SLC35G2: variants seen among roughly 807,000 people sequenced by gnomAD.
SLC35G2 encodes transmembrane protein 22.
Under a neutral mutation model 27.2 loss-of-function variants are expected in SLC35G2, and 20 were observed. The observed-to-expected ratio is 0.74, with a 90% CI of 0.52 to 1.07. The LOEUF is 1.07. Among genes scored for constraint, SLC35G2 ranks in the 50% least tolerant of loss-of-function variants. The pLI, the probability that SLC35G2 is intolerant of heterozygous loss-of-function variation, is 0.00. For missense variants in SLC35G2, 416 were observed against 493.3 expected, an observed-to-expected ratio of 0.84 and a Z score of 1.48; for synonymous variants, 148 against 165.3, an observed-to-expected ratio of 0.90 and a Z score of 0.80.
In SLC35G2 at chr3:136,840,375, C is replaced by T. The variant is rs1189554141; in HGVS notation, c.-18-14068C>T. Among the ~76,000 whole-genome samples, 8 of 152,188 alleles carry T rather than the reference C, an allele frequency of 5.3e-5. No individual in the cohort carries two copies. The East Asian group carries it at 1.4e-3, about 26-fold the overall frequency. ...TCCGTTAGTACTGCAGGGAGTCATC[C>T]TCAAAGAGCATTATCACCACTGACC... On this transcript the variant is annotated intron_variant, in intron 1 of 1. Transcript: ENST00000446465.
At chr3:136,832,926 A>C (rs947098856) in intron 1 of SLC35G2, among the ~76,000 whole-genome samples, 6 of 152,152 alleles carry the variant, frequency 3.9e-5, no homozygotes, top group South Asian at 2.1e-4. Flanking sequence ...AAAATTAGCC[A>C]GGCATGGTGG....
chr3:136,841,537 TG>T (rs2108014437), intron 1 of SLC35G2, among the ~76,000 whole-genome samples: 1 of 152,220 alleles, frequency 6.6e-6, no homozygotes, highest in African/African-American at 2.4e-5. Context: ...GAGACCAGCC[TG>T]ACTAACATGG....
intron 1 of SLC35G2, among the ~76,000 whole-genome samples, chr3:136,853,700 C>T (rs565231490): frequency 9.2e-5 from 14 of 152,190 alleles, no homozygotes; most frequent in Non-Finnish European, 7.4e-5. Context: ...AATATAAATA[C>T]GTATTCTTAT....
chr3:136,854,452 T>C lies in SLC35G2; in HGVS notation c.-9T>C, dbSNP rs1321206946. 1 of 1,554,382 alleles carries C rather than the reference T, an allele frequency of 6.4e-7. No homozygotes were observed. Among genetic ancestry groups the C allele is most frequent in the East Asian group, 2.3e-5 (1 of 44,166 alleles). On this transcript the variant is annotated 5_prime_UTR_variant, in exon 2 of 2. Coordinates refer to ENST00000446465, the MANE Select transcript of SLC35G2 (RefSeq NM_025246.3). ...TTTTTTCTTTAAATAGAATTGATTATCTGAAGAAATGGATACTTCTCCCTC... is the reference window on the plus strand; with the variant it reads ...TTTTTTCTTTAAATAGAATTGATTACCTGAAGAAATGGATACTTCTCCCTC...
chr3:136,850,253 G>A (rs779939735), intron 1 of SLC35G2, among the ~76,000 whole-genome samples: 5 of 152,106 alleles, frequency 3.3e-5, no homozygotes, highest in Admixed American at 6.5e-5. Context: ...GCCATACACC[G>A]CAGAATGTCA....
rs1268391819 is a variant in SLC35G2 at position 136,827,074 on chromosome 3, T to C, written c.-19+7446T>C. Among the ~76,000 whole-genome samples the C allele has an allele frequency of 3.3e-5, 5 of 151,946 alleles. No individual in the cohort carries two copies. In the East Asian group the frequency reaches 9.6e-4, roughly 29 times the overall value. ...ATAGTGGAGGGAAGGTCCTCTCTTTTTCTTAGTCTGACTAAAGGTTTGTCA... is the reference window on the plus strand; with the variant it reads ...ATAGTGGAGGGAAGGTCCTCTCTTTCTCTTAGTCTGACTAAAGGTTTGTCA... On this transcript the variant is annotated intron_variant, in intron 1 of 1. Transcript: ENST00000446465.
chr3:136,853,029 A>G (rs1937750318), intron 1 of SLC35G2, among the ~76,000 whole-genome samples: 1 of 152,136 alleles, frequency 6.6e-6, no homozygotes, highest in South Asian at 2.1e-4. Flanking sequence ...TATATGCATT[A>G]TTTTATTTAA....
chr3:136,845,317 T>C (rs994407456), intron 1 of SLC35G2, among the ~76,000 whole-genome samples: 1 of 152,120 alleles, frequency 6.6e-6, no homozygotes, highest in Non-Finnish European at 1.5e-5. Context: ...AGCTCTTGGG[T>C]GAGAAGTTTA....
rs893808487 is a variant in SLC35G2, at chr3:136,839,527, A to G, written c.-18-14916A>G. Among the ~76,000 whole-genome samples the G allele has an allele frequency of 2.0e-5, 3 of 152,168 alleles. No individual in the cohort carries two copies. The East Asian group carries it at 5.8e-4, about 29-fold the overall frequency. ...AGTCATGAACCTTGACTGAGTAGAGAGAGGCCAGGCTTCTCCCTTTGACTT... is the reference window on the plus strand; with the variant it reads ...AGTCATGAACCTTGACTGAGTAGAGGGAGGCCAGGCTTCTCCCTTTGACTT... On this transcript the variant is annotated intron_variant, in intron 1 of 1. Coordinates refer to ENST00000446465, the MANE Select transcript of SLC35G2 (RefSeq NM_025246.3).
chr3:136,849,448 G>C (rs1937541209), intron 1 of SLC35G2, among the ~76,000 whole-genome samples: 1 of 134,666 alleles, frequency 7.4e-6, no homozygotes, highest in African/African-American at 2.7e-5. Context: ...AATAAGTAAA[G>C]TTGAACCCAA....
At chr3:136,833,940 C>A (rs1399288731) in intron 1 of SLC35G2, among the ~76,000 whole-genome samples, 1 of 151,302 alleles carries the variant, frequency 6.6e-6, no homozygotes, top group Non-Finnish European at 1.5e-5. Flanking sequence ...AAAGGTTAAT[C>A]ATATACAATG....
rs1307821191 is a variant in SLC35G2, at chr3:136,855,284, A to AC, written c.825dup (p.Arg276GlnfsTer73). The AC allele has an allele frequency of 6.2e-7, 1 of 1,614,212 alleles. No individual in the cohort carries two copies. Among genetic ancestry groups the AC allele is most frequent in the Middle Eastern group, 1.6e-4 (1 of 6,062 alleles). ...ACCACTGCTCTCTCAATGATAGTAT[A>AC]CAGATCCATCAAGGAGAAGATCAGC... On this transcript the variant is annotated frameshift_variant, in exon 2 of 2. Coordinates refer to ENST00000446465, the MANE Select transcript of SLC35G2 (RefSeq NM_025246.3). LOFTEE classifies it high-confidence loss of function.
intron 1 of SLC35G2, among the ~76,000 whole-genome samples, chr3:136,845,602 A>T (rs915123450): frequency 2.7e-5 from 4 of 148,794 alleles, no homozygotes; most frequent in African/African-American, 2.5e-5. Flanking sequence ...TAAAAATTTA[A>T]TTTTTTTTTT....
chr3:136,845,328 T>C (rs538918675), intron 1 of SLC35G2, among the ~76,000 whole-genome samples: 25 of 152,316 alleles, frequency 1.6e-4, no homozygotes, highest in African/African-American at 5.8e-4. Flanking sequence ...GAGAAGTTTA[T>C]TCTGAGCAAG....
At position 136,819,497 on chromosome 3, in the gene SLC35G2, A is replaced by T. The variant is rs1576881332; in HGVS notation, c.-150A>T. 1 of 152,070 alleles carries T rather than the reference A, an allele frequency of 6.6e-6. No homozygotes were observed. The allele number at this position is 152,070 out of a possible 1,614,324, so 9.4% of individuals were successfully genotyped here. On this transcript the variant is annotated 5_prime_UTR_variant, in exon 1 of 2. Coordinates refer to ENST00000446465, the MANE Select transcript of SLC35G2 (RefSeq NM_025246.3). Reference sequence around the variant, plus strand: ...TGGAGAACCGGGACACGGGGACGGGAGGGCCAGCATCGGCTACGGCCCGGT... The same window carrying T: ...TGGAGAACCGGGACACGGGGACGGGTGGGCCAGCATCGGCTACGGCCCGGT...
rs558998356 is a variant in SLC35G2 at position 136,830,895 on chromosome 3, A to G, written c.-19+11267A>G. Among the ~76,000 whole-genome samples the G allele has an allele frequency of 9.2e-5, 14 of 152,302 alleles. No homozygotes were observed. The South Asian group carries it at 2.7e-3, about 29-fold the overall frequency. On this transcript the variant is annotated intron_variant, in intron 1 of 1. Transcript: ENST00000446465. ...AACTTAACACTATTTCATAGTTATA[A>G]TTATATGTGAACTCAATCCACATAC...
chr3:136,855,013 T>A lies in SLC35G2; in HGVS notation c.553T>A (p.Ser185Thr). 1 of 1,614,240 alleles carries A rather than the reference T, an allele frequency of 6.2e-7. No individual in the cohort carries two copies. The change falls in exon 2 of 2, where the codon TCA becomes ACA. Residue 185 changes from serine (S) to threonine (T), a missense_variant. Transcript: ENST00000446465. ...NVISITCAYT[S>T]FSIVPPSNGT... is the part of the protein sequence containing the mutation. ...CATTTCTATCACTTGTGCTTATACA[T>A]CATTTTCAATAGTTCCTCCCAGCAA...
Position 136,844,217 on chromosome 3 carries a change from C to T in SLC35G2, c.-18-10226C>T, listed in dbSNP as rs560705865. On this transcript the variant is annotated intron_variant, in intron 1 of 1. Transcript: ENST00000446465. ...AAAAGAAGAAAAAAACAGCCAGGCG[C>T]GGTGGCTCACACCGGTAATCCCAGC... Among the ~76,000 whole-genome samples, 12 of 151,522 alleles carry T rather than the reference C, an allele frequency of 7.9e-5. No individual in the cohort carries two copies. The South Asian group carries it at 1.3e-3, about 16-fold the overall frequency.
chr3:136,833,722 G>C (rs1018394201), intron 1 of SLC35G2, among the ~76,000 whole-genome samples: 2 of 152,192 alleles, frequency 1.3e-5, no homozygotes, highest in Non-Finnish European at 2.9e-5. Context: ...ATGCTCGCTT[G>C]CTCTCCACTC....
Sources: allele counts gnomAD v4.1 joint callset (sites outside exome capture counted in the v4.1 genomes callset), GRCh38; gene constraint gnomAD v4.1.1; transcripts MANE v1.5; gene names NCBI Gene and HGNC (gene_info 2026-07-23, HGNC 2026-07-21).